Variants in PRORP observed in about 807,000 individuals in gnomAD.
PRORP encodes the protein protein only RNase P catalytic subunit.
Under a neutral mutation model 59.4 loss-of-function variants are expected in PRORP, and 51 were observed. The ratio of observed to expected loss-of-function variants is 0.86; its 90% CI spans 0.69 to 1.08. The LOEUF is 1.08. Ranked by LOEUF, PRORP falls within the 50% of genes least tolerant of loss-of-function variation. The probability of loss-of-function intolerance (pLI) is 0.00; values close to 1 mark genes in which losing one functional copy is unlikely to be tolerated. For synonymous variants in PRORP, 231 were observed against 245.6 expected (o/e 0.94, Z 0.55); for missense variants, 646 against 690.3 (o/e 0.94, Z 0.72).
At chr14:35,196,934 A>G (rs1477580865) in intron 5 of PRORP, among the ~76,000 whole-genome samples, 1 of 152,224 alleles carries the variant, frequency 6.6e-6, no homozygotes, top group African/African-American at 2.4e-5. Context: ...ATAACTAGCA[A>G]GATGAATGGA....
At chr14:35,134,959 C>A (rs778704032) in intron 4 of PRORP, among the ~76,000 whole-genome samples, 32 of 152,292 alleles carry the variant, frequency 2.1e-4, no homozygotes, top group African/African-American at 6.7e-4. Flanking sequence ...CCAGTTTCAA[C>A]CACTGGGATG....
At chr14:35,156,906 TG>T (rs1566463409) in intron 4 of PRORP, among the ~76,000 whole-genome samples, 1 of 152,136 alleles carries the variant, frequency 6.6e-6, no homozygotes, top group African/African-American at 2.4e-5. Flanking sequence ...TTGTAGTCGT[TG>T]TCAATATTTC....
chr14:35,154,973 C>T (rs1291904618), intron 4 of PRORP, among the ~76,000 whole-genome samples: 1 of 152,154 alleles, frequency 6.6e-6, no homozygotes, highest in Non-Finnish European at 1.5e-5. Context: ...CAGCTCACCA[C>T]AGCCTCAACC....
intron 4 of PRORP, among the ~76,000 whole-genome samples, chr14:35,150,097 C>T (rs186378876): frequency 9.5e-4 from 144 of 152,302 alleles, no homozygotes; most frequent in East Asian, 5.6e-3. Flanking sequence ...CCGCCTGCCT[C>T]GGCCTCCCAA....
In PRORP at chr14:35,275,312, T is replaced by G. The variant is rs1206207900; in HGVS notation, c.*1746T>G. ...ATCAAACCATATACATGTGTATAAT[T>G]AGGGTATGTATTATGCACAGAGAAA... On this transcript the variant is annotated 3_prime_UTR_variant, in exon 8 of 8. Coordinates refer to ENST00000534898, the MANE Select transcript of PRORP (RefSeq NM_014672.4). 6.6e-6 allele frequency: 1 copy of G among 152,160 alleles called. No individual in the cohort carries two copies. Among genetic ancestry groups the G allele is most frequent in the Non-Finnish European group, 1.5e-5 (1 of 68,032 alleles). The allele number at this position is 152,160 out of a possible 1,614,324, so 9.4% of individuals were successfully genotyped here. A position where few individuals can be genotyped will look rare whatever the true frequency, so the allele number is the denominator to read the frequency against.
intron 2 of PRORP, among the ~76,000 whole-genome samples, chr14:35,125,769 C>T (rs1201383529): frequency 6.6e-6 from 1 of 152,192 alleles, no homozygotes; most frequent in East Asian, 1.9e-4. Context: ...CGCCTGTAAT[C>T]TGAGCACTTT....
Position 35,123,551 on chromosome 14 carries a change from T to G in PRORP, c.306T>G (p.Asp102Glu), listed in dbSNP as rs2047000956. 6.2e-7 allele frequency: 1 copy of G among 1,614,164 alleles called. No individual in the cohort carries two copies. Among genetic ancestry groups the G allele is most frequent in the East Asian group, 2.2e-5 (1 of 44,880 alleles). Residue 102 changes from aspartate to glutamate, a missense_variant, in exon 2 of 8, where the codon GAT (aspartate) becomes GAG (glutamate). Asp to Glu is a conservative substitution (Grantham distance 45). Coordinates refer to ENST00000534898, the MANE Select transcript of PRORP (RefSeq NM_014672.4). The stretch of plus-strand genomic sequence containing the variant: ...CACAGATGAATTCTCAAACTGAAGA[T>G]CATGCCTTGGCACCTGTGAGGAACA... Reference protein sequence around the residue: ...ERSQMNSQTEDHALAPVRNTI... With the variant: ...ERSQMNSQTEEHALAPVRNTI...
chr14:35,178,396 T>TAA (rs2048509253), intron 4 of PRORP, among the ~76,000 whole-genome samples: 1 of 152,268 alleles, frequency 6.6e-6, no homozygotes, highest in East Asian at 1.9e-4. Context: ...TGTAAGTCTC[T>TAA]GAGGACTTGC....
At chr14:35,121,976 G>C, upstream of PRORP, 1 of 1,614,138 alleles carries the variant, frequency 6.2e-7, no homozygotes. Flanking sequence ...CTTCCGCGCA[G>C]CAGCTTCTGC....
Position 35,122,554 on chromosome 14 carries a change from T to C in PRORP, c.-376T>C. 1 of 154,326 alleles carries C rather than the reference T, an allele frequency of 6.5e-6. No homozygotes were observed. The highest frequency in any genetic ancestry group is 1.4e-5 in the Non-Finnish European group (1 of 69,054). 9.6% of individuals were successfully genotyped at this position (154,326 alleles called of 1,614,324 possible). ...GCGCGGTGCATCGTGGGCACTGTAG[T>C]TTCCGCCGCGTTTATGGCCGCGTTA... On this transcript the variant is annotated 5_prime_UTR_variant, in exon 1 of 8. Coordinates refer to ENST00000534898, the MANE Select transcript of PRORP (RefSeq NM_014672.4).
chr14:35,148,411 G>T (rs548664055), intron 4 of PRORP, among the ~76,000 whole-genome samples: 1 of 152,268 alleles, frequency 6.6e-6, no homozygotes, highest in East Asian at 1.9e-4. Context: ...ATAATATTTT[G>T]AAGAGTCTTT....
At chr14:35,135,085 T>C (rs931477396) in intron 4 of PRORP, among the ~76,000 whole-genome samples, 3 of 152,214 alleles carry the variant, frequency 2.0e-5, no homozygotes, top group African/African-American at 7.2e-5. Flanking sequence ...TTCAATGCAG[T>C]GTCTCACAAT....
intron 5 of PRORP, among the ~76,000 whole-genome samples, chr14:35,261,485 C>T (rs2050901070): frequency 6.6e-6 from 1 of 152,178 alleles, no homozygotes; most frequent in South Asian, 2.1e-4. Context: ...AATCCCAGCA[C>T]TTTGGGAGGC....
intron 5 of PRORP, among the ~76,000 whole-genome samples, chr14:35,188,711 C>T (rs2048805364): frequency 6.6e-6 from 1 of 151,808 alleles, no homozygotes; most frequent in Admixed American, 6.6e-5. Flanking sequence ...GGCGCCGTGG[C>T]TCACGCCTGT....
chr14:35,268,929 C>T (rs73239059), intron 6 of PRORP, among the ~76,000 whole-genome samples: 215 of 152,296 alleles, frequency 1.4e-3, no homozygotes, highest in African/African-American at 4.9e-3. Context: ...TACAGTAGCT[C>T]TCAATCATAA....
At chr14:35,134,344 A>G (rs2047322530) in intron 4 of PRORP, among the ~76,000 whole-genome samples, 1 of 152,176 alleles carries the variant, frequency 6.6e-6, no homozygotes, top group Non-Finnish European at 1.5e-5. Flanking sequence ...CTTGTGGTGC[A>G]TGCTGCCTGG....
At chr14:35,164,073 TG>T (rs1274235080) in intron 4 of PRORP, among the ~76,000 whole-genome samples, 1 of 152,192 alleles carries the variant, frequency 6.6e-6, no homozygotes, top group Non-Finnish European at 1.5e-5. Context: ...GAAAATCAGT[TG>T]TATGTGAGTG....
At chr14:35,254,675 A>C (rs1328032618) in intron 5 of PRORP, among the ~76,000 whole-genome samples, 1 of 152,108 alleles carries the variant, frequency 6.6e-6, no homozygotes, top group African/African-American at 2.4e-5. Context: ...TACAGGCATG[A>C]GCCACCGCGC....
upstream of PRORP, chr14:35,122,104 A>C: frequency 1.3e-6 from 1 of 748,506 alleles, no homozygotes. Context: ...AGTCTTGGCT[A>C]AAGAGGCAAA....
Sources: allele counts gnomAD v4.1 joint callset (sites outside exome capture counted in the v4.1 genomes callset), GRCh38; gene constraint gnomAD v4.1.1; transcripts MANE v1.5; gene names NCBI Gene and HGNC (gene_info 2026-07-23, HGNC 2026-07-21).